The following FMOD variants were observed in gnomAD, a reference collection of about 807,000 sequenced individuals.
The protein encoded by FMOD is fibromodulin, also known as KSPG fibromodulin.
FMOD carries 15 observed loss-of-function variants against 27.0 expected under a neutral mutation model. That is an observed-to-expected ratio of 0.55 (90% CI 0.37 to 0.85). The LOEUF is 0.85. Among genes scored for constraint, FMOD ranks in the 40% least tolerant of loss-of-function variants. The pLI is 0.00. For missense variants in FMOD, 460 were observed against 483.2 expected, an observed-to-expected ratio of 0.95 and a Z score of 0.45; for synonymous variants, 210 against 214.0, an observed-to-expected ratio of 0.98 and a Z score of 0.16.
chr1:203,347,246 A>G (rs1658904190), intron 2 of FMOD, 46 bp downstream of exon 2: 2 of 1,550,512 alleles, frequency 1.3e-6, no homozygotes, highest in Non-Finnish European at 1.7e-6. Flanking sequence ...GTGTCTTTCA[A>G]GTGAAATAGA....
rs903754349 is a variant in FMOD at position 203,341,011 on chromosome 1, G to C, written c.*1332C>G. The C allele has an allele frequency of 6.6e-6, 1 of 152,442 alleles. No homozygotes were observed. The highest frequency in any genetic ancestry group is 2.1e-4 in the South Asian group (1 of 4,826). The allele number at this position is 152,442 out of a possible 1,614,324, so 9.4% of individuals were successfully genotyped here. On this transcript the variant is annotated 3_prime_UTR_variant, in exon 3 of 3. Coordinates refer to ENST00000354955, the MANE Select transcript of FMOD (RefSeq NM_002023.5). ...CCAACCTTGCCCAAAGGGCAGGTGG[G>C]TTAAGCCCCAGGCAACATTACCTTT...
In FMOD at chr1:203,347,983, G is replaced by T. The variant is rs201142494; in HGVS notation, c.288C>A (p.Asn96Lys). ...AGGGAACGAAGGGCAGGTACTTGAG[G>T]TTGCGATTGTCACAGTACATGGCCG... ...FPTAMYCDNR[N>K]LKYLPFVPSR... The change falls in exon 2 of 3, where the codon AAC becomes AAA. Residue 96 changes from asparagine (N) to lysine (K), a missense_variant. Transcript: ENST00000354955. The T allele has an allele frequency of 6.2e-7, 1 of 1,604,010 alleles. No homozygotes were observed. The highest frequency in any genetic ancestry group is 8.5e-7 in the Non-Finnish European group (1 of 1,173,378).
At chr1:203,350,013 G>A (rs1285308512) in intron 1 of FMOD, among the ~76,000 whole-genome samples, 1 of 152,238 alleles carries the variant, frequency 6.6e-6, no homozygotes, top group East Asian at 1.9e-4. Context: ...ACTGCCAACA[G>A]AGCATTTTTC....
chr1:203,346,220 C>A (rs180778082), intron 2 of FMOD, among the ~76,000 whole-genome samples: 2 of 152,178 alleles, frequency 1.3e-5, no homozygotes, highest in East Asian at 1.9e-4. Flanking sequence ...TTCTTCTCAG[C>A]GCTTTGATGG....
At chr1:203,344,840 C>T (rs766610970) in intron 2 of FMOD, among the ~76,000 whole-genome samples, 36 of 152,152 alleles carry the variant, frequency 2.4e-4, no homozygotes, top group Admixed American at 6.6e-4. Flanking sequence ...ATATTCCTCA[C>T]CATTCTCAGT....
Position 203,341,202 on chromosome 1 carries a change from T to A in FMOD, c.*1141A>T, listed in dbSNP as rs951408667. Reference sequence around the variant, plus strand: ...CACGGACCCCAGCCAGAGCTGGTACTTTTTAACTATGGCCTTAGGACAAAC... The same window carrying A: ...CACGGACCCCAGCCAGAGCTGGTACATTTTAACTATGGCCTTAGGACAAAC... On this transcript the variant is annotated 3_prime_UTR_variant, in exon 3 of 3. Coordinates refer to ENST00000354955, the MANE Select transcript of FMOD (RefSeq NM_002023.5). 17 of 152,246 alleles carry A rather than the reference T, an allele frequency of 1.1e-4. No homozygotes were observed. Among genetic ancestry groups the A allele is most frequent in the Non-Finnish European group, 1.2e-4 (8 of 68,046 alleles). 9.4% of individuals were successfully genotyped at this position (152,246 alleles called of 1,614,324 possible).
At chr1:203,342,521 AG>A in intron 2 of FMOD, 27 bp from the exon 3 acceptor site, 1 of 1,601,016 alleles carries the variant, frequency 6.2e-7, no homozygotes, top group Non-Finnish European at 8.5e-7. Context: ...AGCACGGGTC[AG>A]GGAGAGAAGC....
At chr1:203,350,042 G>A (rs1315074227) in intron 1 of FMOD, among the ~76,000 whole-genome samples, 1 of 152,248 alleles carries the variant, frequency 6.6e-6, no homozygotes, top group Non-Finnish European at 1.5e-5. Context: ...GCCCTGGGCT[G>A]TTGCAGGACC....
chr1:203,342,085 G>C lies in FMOD; in HGVS notation c.*258C>G. ...AACTTAAGAGCCGTGAGATTTATGG[G>C]GTTGGAACATCCAGGGATCCTTCCA... is the stretch of plus-strand genomic sequence containing the variant. On this transcript the variant is annotated 3_prime_UTR_variant, in exon 3 of 3. Coordinates refer to ENST00000354955, the MANE Select transcript of FMOD (RefSeq NM_002023.5). 1 of 453,818 alleles carries C rather than the reference G, an allele frequency of 2.2e-6. No individual in the cohort carries two copies. The highest frequency in any genetic ancestry group is 3.9e-5 in the Admixed American group (1 of 25,648). 28.1% of individuals were successfully genotyped at this position (453,818 alleles called of 1,614,324 possible).
In FMOD at chr1:203,342,457, G is replaced by A. The variant is rs139855707; in HGVS notation, c.1017C>T (p.Val339=). 7.8e-5 allele frequency: 126 copies of A among 1,614,192 alleles called. No individual in the cohort carries two copies. The African/African-American group carries it at 1.1e-3, about 14-fold the overall frequency. ...SISSFCTVVD[V]VNFSKLQVLR... Reference sequence around the variant, plus strand: ...GCACCTGCAGCTTGGAGAAGTTCACGACGTCCACCACGGTGCAGAAGCTGC... The same window carrying A: ...GCACCTGCAGCTTGGAGAAGTTCACAACGTCCACCACGGTGCAGAAGCTGC... The change falls in exon 3 of 3, where the codon GTC becomes GTT. Residue 339 remains valine (V), a synonymous_variant. Transcript: ENST00000354955.
At chr1:203,342,784 T>TG (rs1447936865) in intron 2 of FMOD, among the ~76,000 whole-genome samples, 1 of 151,650 alleles carries the variant, frequency 6.6e-6, no homozygotes, top group Non-Finnish European at 1.5e-5. Context: ...GGACATTTTT[T>TG]TTTTTTTAGC....
Position 203,348,161 on chromosome 1 carries a change from G to C in FMOD, c.110C>G (p.Thr37Ser). ...WFHYLRSQQS[T>S]YYDPYDPYPY... ...GTAAGGGTCATAGGGATCGTAGTAG[G>C]TGGACTGCTGGCTGCGGAGGTAGTG... Residue 37 changes from threonine to serine, a missense_variant, in exon 2 of 3, where the codon ACC (threonine) becomes AGC (serine). Coordinates refer to ENST00000354955, the MANE Select transcript of FMOD (RefSeq NM_002023.5). The C allele has an allele frequency of 6.2e-7, 1 of 1,614,210 alleles. No homozygotes were observed. Among genetic ancestry groups the C allele is most frequent in the Non-Finnish European group, 8.5e-7 (1 of 1,180,042 alleles).
At chr1:203,349,868 G>A (rs1430032841) in intron 1 of FMOD, among the ~76,000 whole-genome samples, 2 of 152,190 alleles carry the variant, frequency 1.3e-5, no homozygotes, top group East Asian at 3.9e-4. Context: ...CAGGCACCCT[G>A]GCTCATCCAC....
Position 203,342,380 on chromosome 1 carries a change from G to A in FMOD, c.1094C>T (p.Pro365Leu). The change falls in exon 3 of 3, where the codon CCC becomes CTC. Residue 365 changes from proline to leucine, a missense_variant. Physicochemically the swap from Pro to Leu is moderately conservative, Grantham distance 98 (BLOSUM62 -3). Transcript: ENST00000354955. Reference protein sequence around the residue: ...IKRSAMPADAPLCLRLASLIE... With the variant: ...IKRSAMPADALLCLRLASLIE... ...GAGGCTGGCAAGGCGCAGGCAGAGG[G>A]GCGCGTCGGCAGGCATGGCGCTGCG... The A allele has an allele frequency of 6.2e-7, 1 of 1,613,566 alleles. No homozygotes were observed.
In FMOD at chr1:203,347,204, T is replaced by G. The variant is rs1571518966; in HGVS notation, c.979+88A>C. On this transcript the variant is annotated intron_variant, in intron 2 of 2. Transcript: ENST00000354955. The stretch of plus-strand genomic sequence containing the variant: ...GTGCTGTCTGGTTCCCCTATTTCTA[T>G]TTCTTTTGTTTTGCCACTAGCACTC... The G allele has an allele frequency of 9.5e-6, 14 of 1,472,506 alleles. No homozygotes were observed. In the East Asian group the frequency reaches 3.2e-4, roughly 33 times the overall value. 91.2% of individuals were successfully genotyped at this position (1,472,506 alleles called of 1,614,324 possible). A position where few individuals can be genotyped will look rare whatever the true frequency, so the allele number is the denominator to read the frequency against.
At chr1:203,344,852 G>A (rs531780210) in intron 2 of FMOD, among the ~76,000 whole-genome samples, 133 of 152,240 alleles carry the variant, frequency 8.7e-4, no homozygotes, top group African/African-American at 3.0e-3. Context: ...ATTCTCAGTC[G>A]GAGATGCCTG....
chr1:203,344,721 C>T (rs1033956706), intron 2 of FMOD, among the ~76,000 whole-genome samples: 2 of 152,310 alleles, frequency 1.3e-5, no homozygotes, highest in Non-Finnish European at 1.5e-5. Context: ...CAACACCCCC[C>T]ATCCCCAAGT....
intron 1 of FMOD, among the ~76,000 whole-genome samples, chr1:203,350,235 C>A (rs1478442487): frequency 2.0e-5 from 3 of 152,204 alleles, no homozygotes; most frequent in African/African-American, 7.2e-5. Flanking sequence ...TGATGGGGAG[C>A]TTATGCCTCT....
rs1366324795 is a variant in FMOD at position 203,341,889 on chromosome 1, A to G, written c.*454T>C. 1 of 153,838 alleles carries G rather than the reference A, an allele frequency of 6.5e-6. No individual in the cohort carries two copies. The highest frequency in any genetic ancestry group is 1.4e-5 in the Non-Finnish European group (1 of 69,234). The allele number at this position is 153,838 out of a possible 1,614,324, so 9.5% of individuals were successfully genotyped here. On this transcript the variant is annotated 3_prime_UTR_variant, in exon 3 of 3. Coordinates refer to ENST00000354955, the MANE Select transcript of FMOD (RefSeq NM_002023.5). ...CAGAAGAGGCAGCTGGGCAAGAGGT[A>G]TATTTTGAGAAGCAACAAATGGGAG...
Sources: gnomAD v4.1 joint callset for allele counts (sites outside exome capture counted in the v4.1 genomes callset) on GRCh38, gnomAD v4.1.1 for gene constraint, MANE v1.5 for transcripts, NCBI Gene and HGNC (gene_info 2026-07-23, HGNC 2026-07-21) for gene names.